The following STX3 variants were observed in gnomAD, a reference collection of about 807,000 sequenced individuals.
STX3 encodes syntaxin 3.
In STX3, 19 loss-of-function variants were observed where a neutral mutation model predicts 40.2. The observed-to-expected ratio is 0.47, with a 90% confidence interval of 0.33 to 0.69. The LOEUF is 0.69. Ranked by LOEUF, STX3 falls within the 30% of genes least tolerant of loss-of-function variation. The pLI is 0.02. For synonymous variants in STX3, 122 were observed against 132.2 expected (o/e 0.92, Z 0.53); for missense variants, 364 against 366.7 (o/e 0.99, Z 0.06).
intron 2 of STX3, among the ~76,000 whole-genome samples, chr11:59,778,420 C>T (rs1272966797): frequency 6.6e-6 from 1 of 152,084 alleles, no homozygotes; most frequent in Non-Finnish European, 1.5e-5. Context: ...GGAAGGGACA[C>T]CAGGAAAGTG....
At position 59,787,095 on chromosome 11, in the gene STX3, A is replaced by G. The variant is rs1367568770; in HGVS notation, c.173A>G (p.Lys58Arg). ...KISEHVEEAK[K>R]LYSIILSAPI... ...TCAGAACATGTAGAGGAGGCTAAGA[A>G]ACTCTACAGTATCATTCTCTCTGCA... The change falls in exon 3 of 11, where the codon AAA becomes AGA. Residue 58 changes from lysine (K) to arginine (R), a missense_variant. Physicochemically the swap from Lys to Arg is conservative, Grantham distance 26. Coordinates refer to ENST00000337979, the MANE Select transcript of STX3 (RefSeq NM_004177.5). 1.4e-5 allele frequency: 22 copies of G among 1,614,184 alleles called. No homozygotes were observed. Among genetic ancestry groups the G allele is most frequent in the Non-Finnish European group, 1.9e-5 (22 of 1,180,014 alleles).
At chr11:59,788,681 C>T (rs563546105) in intron 3 of STX3, among the ~76,000 whole-genome samples, 192 bp from the exon 4 acceptor site, 1 of 152,162 alleles carries the variant, frequency 6.6e-6, no homozygotes, top group African/African-American at 2.4e-5. Flanking sequence ...GATGGGGTGC[C>T]TGGAAAATGC....
chr11:59,775,875 A>G (rs1590780997), intron 2 of STX3, among the ~76,000 whole-genome samples: 1 of 150,698 alleles, frequency 6.6e-6, no homozygotes, highest in Non-Finnish European at 1.5e-5. Context: ...ACTTATATTT[A>G]GAGTGGAGAA....
intron 10 of STX3, chr11:59,799,944 A>C: frequency 1.0e-6 from 1 of 985,346 alleles, no homozygotes; most frequent in Non-Finnish European, 1.2e-6. Context: ...AAAAAGATAT[A>C]AGAGTTGTTA....
In STX3 at chr11:59,800,868, T is replaced by A; in HGVS notation, c.*44T>A. On this transcript the variant is annotated 3_prime_UTR_variant, in exon 11 of 11. Coordinates refer to ENST00000337979, the MANE Select transcript of STX3 (RefSeq NM_004177.5). ...CCTGCCTCCTAGAAACTGATTTCAC[T>A]CCAGACTGGTGTGGCCACCCTTGTC... 1 of 1,536,346 alleles carries A rather than the reference T, an allele frequency of 6.5e-7. No homozygotes were observed. The highest frequency in any genetic ancestry group is 8.7e-7 in the Non-Finnish European group (1 of 1,146,908).
In STX3 at chr11:59,795,448, A is replaced by T. The variant is rs778581130; in HGVS notation, c.752A>T (p.Lys251Ile). Residue 251 changes from lysine to isoleucine, a missense_variant, in exon 9 of 11, where the codon AAA becomes ATA. Coordinates refer to ENST00000337979, the MANE Select transcript of STX3 (RefSeq NM_004177.5). ...GTGGAGAAGGCACGAGATGAAACGAAAAAAGCTGTGAAATACCAGAGTCAG... is the reference window on the plus strand; with the variant it reads ...GTGGAGAAGGCACGAGATGAAACGATAAAAGCTGTGAAATACCAGAGTCAG... ...DHVEKARDET[K>I]KAVKYQSQAR... 1 of 1,613,492 alleles carries T rather than the reference A, an allele frequency of 6.2e-7. No individual in the cohort carries two copies. The highest frequency in any genetic ancestry group is 1.3e-5 in the African/African-American group (1 of 75,050).
rs1590842866 is a variant in STX3 at position 59,803,284 on chromosome 11, A to G, written c.*2460A>G. ...CATCTTAGCTTCCACCATTGGGAGC[A>G]TATTTGCCTGAAAAAGGTGAGCCAT... On this transcript the variant is annotated 3_prime_UTR_variant, in exon 11 of 11. Coordinates refer to ENST00000337979, the MANE Select transcript of STX3 (RefSeq NM_004177.5). 1 of 1,231,628 alleles carries G rather than the reference A, an allele frequency of 8.1e-7. No individual in the cohort carries two copies. The highest frequency in any genetic ancestry group is 1.0e-6 in the Non-Finnish European group (1 of 987,870). 76.3% of individuals were successfully genotyped at this position (1,231,628 alleles called of 1,614,324 possible). A position where few individuals can be genotyped will look rare whatever the true frequency, so the allele number is the denominator to read the frequency against.
intron 7 of STX3, 31 bp downstream of exon 7, chr11:59,793,203 C>G (rs768394628): frequency 1.2e-6 from 2 of 1,610,904 alleles, no homozygotes; most frequent in Admixed American, 1.7e-5. Context: ...GATAGCACAT[C>G]CCTCTCGTGA....
At chr11:59,773,694 T>C (rs1863785613) in intron 2 of STX3, among the ~76,000 whole-genome samples, 1 of 152,266 alleles carries the variant, frequency 6.6e-6, no homozygotes, top group East Asian at 1.9e-4. Context: ...TTTGAAAATT[T>C]TGGGGCCAGA....
intron 10 of STX3, among the ~76,000 whole-genome samples, chr11:59,798,563 A>G (rs545711669): frequency 2.5e-4 from 38 of 151,288 alleles, no homozygotes; most frequent in African/African-American, 8.3e-4. Flanking sequence ...CTTGTCCCCC[A>G]GGCTGGAGTG....
intron 9 of STX3, chr11:59,795,719 A>C: frequency 6.5e-7 from 1 of 1,535,504 alleles, no homozygotes; most frequent in African/African-American, 1.4e-5. Context: ...GAGGGTGAGC[A>C]CCTTCATCTC....
intron 1 of STX3, among the ~76,000 whole-genome samples, chr11:59,770,787 T>C (rs989201843): frequency 2.0e-5 from 3 of 152,142 alleles, no homozygotes; most frequent in Non-Finnish European, 4.4e-5. Flanking sequence ...TCAGTTTTAA[T>C]TGCAAGTGAC....
At chr11:59,785,564 C>T (rs1864700863) in intron 2 of STX3, among the ~76,000 whole-genome samples, 1 of 152,142 alleles carries the variant, frequency 6.6e-6, no homozygotes, top group South Asian at 2.1e-4. Flanking sequence ...CTCCTGGGCT[C>T]AAGTAATCTG....
intron 10 of STX3, among the ~76,000 whole-genome samples, chr11:59,798,036 C>T (rs937335276): frequency 1.3e-5 from 2 of 152,212 alleles, no homozygotes; most frequent in Non-Finnish European, 2.9e-5. Context: ...TGTTGAATAA[C>T]AGGGCCAAGT....
intron 9 of STX3, among the ~76,000 whole-genome samples, chr11:59,796,042 A>G (rs75195123): frequency 0.018 from 2,699 of 152,260 alleles, 42 homozygotes; most frequent in Middle Eastern, 0.027. Context: ...CTCTGTTCAG[A>G]AACCTTCTCT....
intron 1 of STX3, among the ~76,000 whole-genome samples, chr11:59,768,475 G>C (rs1046633366): frequency 6.6e-5 from 10 of 152,214 alleles, no homozygotes; most frequent in Admixed American, 1.3e-4. Flanking sequence ...TATTGGTTGT[G>C]ATTGGGAATA....
chr11:59,797,988 T>C (rs930146055), intron 10 of STX3, among the ~76,000 whole-genome samples: 1 of 152,242 alleles, frequency 6.6e-6, no homozygotes. Flanking sequence ...TACAGTGTTA[T>C]GCACATTTTA....
At chr11:59,774,973 A>G (rs915452278) in intron 2 of STX3, among the ~76,000 whole-genome samples, 1 of 152,222 alleles carries the variant, frequency 6.6e-6, no homozygotes, top group African/African-American at 2.4e-5. Flanking sequence ...CCACCATACT[A>G]TGGTTTCTTA....
intron 8 of STX3, 26 bp downstream of exon 8, chr11:59,793,540 G>T: frequency 6.2e-7 from 1 of 1,603,956 alleles, no homozygotes; most frequent in Non-Finnish European, 8.5e-7. Flanking sequence ...TCCCAGCGTG[G>T]GGAGGGAGGA....
Sources: gnomAD v4.1 joint callset for allele counts (sites outside exome capture counted in the v4.1 genomes callset) on GRCh38, gnomAD v4.1.1 for gene constraint, MANE v1.5 for transcripts, NCBI Gene and HGNC (gene_info 2026-07-23, HGNC 2026-07-21) for gene names.